Variants in SPRY3 observed in about 807,000 individuals in gnomAD.
SPRY3 encodes the protein sprouty RTK signaling antagonist 3, also known as protein sprouty homolog 3.
SPRY3 carries 15 observed loss-of-function variants against 20.2 expected under a neutral mutation model. That is an observed-to-expected ratio of 0.74 (90% confidence interval 0.50 to 1.14). SPRY3 has a LOEUF of 1.14. Among genes scored for constraint, SPRY3 ranks in the 50% most tolerant of loss-of-function variants. SPRY3 has a pLI of 0.00. For missense variants in SPRY3, 364 were observed against 363.9 expected (o/e 1.00, Z 0.00); for synonymous variants, 143 against 136.5 (o/e 1.05, Z -0.33).
At chrX:155,750,571 T>C (rs1165976508) in intron 2 of SPRY3, among the ~76,000 whole-genome samples, 3 of 151,922 alleles carry the variant, frequency 2.0e-5, no homozygotes, top group Non-Finnish European at 2.9e-5. Flanking sequence ...TAATCAACCA[T>C]GTAAATGATA....
At chrX:155,676,875 C>T (rs782451284) in intron 2 of SPRY3, among the ~76,000 whole-genome samples, 8 of 111,445 alleles carry the variant, frequency 7.2e-5, no homozygotes, top group Non-Finnish European at 1.3e-4. Context: ...AATACTATCA[C>T]ATTGGCAGCA....
intron 2 of SPRY3, among the ~76,000 whole-genome samples, chrX:155,724,766 A>C (rs1290644308): frequency 6.6e-6 from 1 of 152,206 alleles, no homozygotes; most frequent in Non-Finnish European, 1.5e-5. Context: ...ATCTGCAAAC[A>C]GGGACAATTT....
intron 2 of SPRY3, among the ~76,000 whole-genome samples, chrX:155,728,358 G>A (rs1258279103): frequency 1.3e-5 from 2 of 152,188 alleles, no homozygotes; most frequent in East Asian, 3.9e-4. Flanking sequence ...GTCAGACAGG[G>A]ACATTTAAGT....
chrX:155,759,226 G>A (rs58248838), intron 2 of SPRY3, among the ~76,000 whole-genome samples: 33,299 of 151,882 alleles, frequency 0.22, 4,633 homozygotes, highest in African/African-American at 0.4. Context: ...GTTTTGCCAT[G>A]TTGGCCAGGC....
intron 2 of SPRY3, among the ~76,000 whole-genome samples, chrX:155,723,823 A>G (rs145058661): frequency 0.024 from 3,644 of 152,196 alleles, 1 homozygote; most frequent in East Asian, 0.017. Context: ...TTTTGTTGCC[A>G]TTGCTTTTGA....
At chrX:155,742,042 C>G (rs1443476491) in intron 2 of SPRY3, among the ~76,000 whole-genome samples, 1 of 152,078 alleles carries the variant, frequency 6.6e-6, no homozygotes, top group African/African-American at 2.4e-5. Flanking sequence ...TTAAAAGACA[C>G]AGAATGGCAA....
chrX:155,705,285 A>T (rs1361696762), intron 2 of SPRY3, among the ~76,000 whole-genome samples: 2 of 151,514 alleles, frequency 1.3e-5, no homozygotes, highest in East Asian at 3.9e-4. Context: ...ACTTCATGTG[A>T]AGTAGGAGAA....
Position 155,714,196 on chromosome X carries a change from C to T in SPRY3, c.-281-53766C>T, listed in dbSNP as rs187454109. On this transcript the variant is annotated intron_variant, in intron 2 of 3. Coordinates refer to ENST00000675360, the Ensembl canonical transcript of SPRY3. ...ATATCTGTTTCTCCAGGATTGATCC[C>T]TGATGCCTTATTTACTTCATTTGAT... Among the ~76,000 whole-genome samples the T allele has an allele frequency of 9.2e-5, 14 of 152,236 alleles. No homozygotes were observed. The East Asian group carries it at 2.7e-3, about 29-fold the overall frequency.
At chrX:155,642,245 A>G (rs1392016617) in intron 1 of SPRY3, among the ~76,000 whole-genome samples, 1 of 111,807 alleles carries the variant, frequency 8.9e-6, no homozygotes, top group Non-Finnish European at 1.9e-5. Flanking sequence ...GAAATTTATC[A>G]ATTTCTTCAA....
intron 2 of SPRY3, among the ~76,000 whole-genome samples, chrX:155,710,863 T>G (rs1328102701): frequency 6.6e-6 from 1 of 151,548 alleles, no homozygotes; most frequent in Non-Finnish European, 1.5e-5. Context: ...TTTTAGGGTT[T>G]TTCTTTATCA....
At chrX:155,647,892 C>T (rs1557351990) in intron 1 of SPRY3, among the ~76,000 whole-genome samples, 1 of 111,857 alleles carries the variant, frequency 8.9e-6, no homozygotes, top group Non-Finnish European at 1.9e-5. Context: ...CTGTCTTCCA[C>T]AATGGTCGAA....
chrX:155,692,822 C>T (rs927203943), intron 2 of SPRY3, among the ~76,000 whole-genome samples: 1 of 111,463 alleles, frequency 9.0e-6, no homozygotes, highest in Admixed American at 9.6e-5. Flanking sequence ...AACATAAAAT[C>T]GTTCACAATA....
intron 2 of SPRY3, among the ~76,000 whole-genome samples, chrX:155,674,265 A>C (rs782154154): frequency 1.8e-5 from 2 of 110,186 alleles, no homozygotes; most frequent in South Asian, 7.8e-4. Flanking sequence ...TTAATATCTT[A>C]TTGTATACCT....
intron 2 of SPRY3, among the ~76,000 whole-genome samples, chrX:155,713,717 G>T (rs1447971715): frequency 6.6e-6 from 1 of 151,872 alleles, no homozygotes. Context: ...AGCTTCTTGT[G>T]CTTGAATGTT....
intron 2 of SPRY3, among the ~76,000 whole-genome samples, chrX:155,682,668 G>T (rs894145141): frequency 1.7e-4 from 19 of 111,954 alleles, no homozygotes; most frequent in African/African-American, 6.2e-4. Context: ...CTACAGATGT[G>T]TGCCATCGCA....
exon 4 of SPRY3, chrX:155,774,356 G>C: frequency 5.6e-6 from 9 of 1,614,010 alleles, no homozygotes; most frequent in Non-Finnish European, 5.9e-6. Context: ...ACAGCAGCTC[G>C]CCCTCTCCCC....
At chrX:155,747,455 A>G in intron 2 of SPRY3, among the ~76,000 whole-genome samples, 1 of 152,076 alleles carries the variant, frequency 6.6e-6, no homozygotes, top group Middle Eastern at 3.4e-3. Context: ...AATTATCTCT[A>G]AATGGCAAAT....
chrX:155,754,678 G>C (rs754738574), intron 2 of SPRY3, among the ~76,000 whole-genome samples: 1 of 152,054 alleles, frequency 6.6e-6, no homozygotes, highest in African/African-American at 2.4e-5. Context: ...GATCACTTTG[G>C]AGAGTATTTC....
chrX:155,766,078 G>C (rs1430230903), intron 2 of SPRY3, among the ~76,000 whole-genome samples: 1 of 152,160 alleles, frequency 6.6e-6, no homozygotes, highest in Non-Finnish European at 1.5e-5. Context: ...TTCCTGACTA[G>C]AAATTCCAAA....
Sources: gnomAD v4.1 joint callset for allele counts (sites outside exome capture counted in the v4.1 genomes callset) on GRCh38, gnomAD v4.1.1 for gene constraint, MANE v1.5 for transcripts, NCBI Gene and HGNC (gene_info 2026-07-23, HGNC 2026-07-21) for gene names.